MYT1L: variants seen among roughly 807,000 people sequenced by gnomAD.
MYT1L encodes the protein myelin transcription factor 1 like.
A neutral mutation model predicts 126.7 loss-of-function variants in MYT1L; 12 were observed. The ratio of observed to expected loss-of-function variants is 0.09; its 90% confidence interval spans 0.06 to 0.15. The LOEUF (loss-of-function observed/expected upper bound fraction) is 0.15, where lower values mean the gene tolerates loss of function less well. Ranked by LOEUF, MYT1L falls within the 10% of genes least tolerant of loss-of-function variation. The pLI is 1.00. For missense variants in MYT1L, 979 were observed against 1,585.2 expected (o/e 0.62, Z 6.49); for synonymous variants, 541 against 604.2 (o/e 0.90, Z 1.53).
rs570061145 is a variant in MYT1L, at chr2:2,127,682, G to A, written c.-304+45190C>T. Among the ~76,000 whole-genome samples, 6 of 152,288 alleles carry A rather than the reference G, an allele frequency of 3.9e-5. 1 individual carries two copies. The South Asian group carries it at 1.2e-3, about 32-fold the overall frequency. The stretch of plus-strand genomic sequence containing the variant: ...ATGTGCACGTCTGTGTCTGGACTGA[G>A]CTCCGCAGCTCTCATGCAGTGCTCC... On this transcript the variant is annotated intron_variant, in intron 3 of 24. Transcript: ENST00000647738.
intron 3 of MYT1L, among the ~76,000 whole-genome samples, chr2:2,067,980 G>T (rs981758055): frequency 1.3e-5 from 2 of 152,072 alleles, no homozygotes; most frequent in African/African-American, 4.8e-5. Context: ...GTCCCCTGCC[G>T]TTTAATTACA....
At chr2:1,965,652 C>G (rs2059294130) in intron 8 of MYT1L, among the ~76,000 whole-genome samples, 1 of 152,220 alleles carries the variant, frequency 6.6e-6, no homozygotes, top group Non-Finnish European at 1.5e-5. Flanking sequence ...GTAGGCCATC[C>G]CTCTGCCTTT....
Position 1,839,374 on chromosome 2 carries a change from T to C in MYT1L, c.2859-4A>G. On this transcript the variant is annotated splice_region_variant and splice_polypyrimidine_tract_variant and intron_variant, in intron 20 of 24. Transcript: ENST00000647738. ...GTCGCACCCGGGGACCGGACACCTG[T>C]AGGCAGGCAGAGGTGACACACTTTA... 6.2e-7 allele frequency: 1 copy of C among 1,610,632 alleles called. No homozygotes were observed. The highest frequency in any genetic ancestry group is 8.5e-7 in the Non-Finnish European group (1 of 1,177,966).
chr2:1,854,701 T>A (rs2043684912), intron 18 of MYT1L, among the ~76,000 whole-genome samples: 1 of 152,166 alleles, frequency 6.6e-6, no homozygotes, highest in Non-Finnish European at 1.5e-5. Context: ...TTCCAGGATT[T>A]CGAGTTGGGC....
intron 8 of MYT1L, among the ~76,000 whole-genome samples, chr2:1,956,547 ATCATCTATCCTATTCTATATTTCCTAT>A (rs1472819382): frequency 2.6e-4 from 37 of 142,652 alleles, no homozygotes; most frequent in African/African-American, 8.4e-4. Flanking sequence ...CTATCTATCT[ATCATCTATCCTATTCTATATTTCCTAT>A]TCTATCTATC....
intron 3 of MYT1L, among the ~76,000 whole-genome samples, chr2:2,130,973 T>C (rs142586398): frequency 1.6e-3 from 242 of 152,296 alleles, no homozygotes; most frequent in African/African-American, 5.4e-3. Context: ...TTAACAATTC[T>C]AAAAAGGAGC....
chr2:2,170,441 C>G (rs2148521011), intron 3 of MYT1L, among the ~76,000 whole-genome samples: 1 of 152,306 alleles, frequency 6.6e-6, no homozygotes, highest in Non-Finnish European at 1.5e-5. Flanking sequence ...TCATTTCAGA[C>G]AGCGGTGGCA....
chr2:1,905,643 C>T (rs2050954108), intron 13 of MYT1L, among the ~76,000 whole-genome samples: 1 of 152,164 alleles, frequency 6.6e-6, no homozygotes. Flanking sequence ...CGCCAGCAAC[C>T]ACACCTGGAG....
intron 22 of MYT1L, among the ~76,000 whole-genome samples, chr2:1,807,712 C>T (rs2035934770): frequency 6.6e-6 from 1 of 151,776 alleles, no homozygotes; most frequent in African/African-American, 2.4e-5. Flanking sequence ...GAGCCATGTG[C>T]TATAAAGTTA....
intron 18 of MYT1L, among the ~76,000 whole-genome samples, chr2:1,858,017 CATACCCAGCTAATCT>C (rs2044130000): frequency 6.6e-6 from 1 of 152,166 alleles, no homozygotes; most frequent in Non-Finnish European, 1.5e-5. Flanking sequence ...CATGCACCAC[CATACCCAGCTAATCT>C]TTTGTATTTT....
At chr2:2,240,870 A>G (rs747124616) in intron 2 of MYT1L, among the ~76,000 whole-genome samples, 2 of 152,194 alleles carry the variant, frequency 1.3e-5, no homozygotes, top group African/African-American at 2.4e-5. Flanking sequence ...AATTTTAACA[A>G]CTTAGATATA....
At chr2:1,822,681 G>A (rs1174466830) in intron 21 of MYT1L, among the ~76,000 whole-genome samples, 2 of 152,188 alleles carry the variant, frequency 1.3e-5, no homozygotes, top group Non-Finnish European at 2.9e-5. Flanking sequence ...TGGTCTCCGA[G>A]TGTCAGGGGC....
chr2:1,976,495 A>T (rs2060197382), intron 8 of MYT1L, among the ~76,000 whole-genome samples: 1 of 152,172 alleles, frequency 6.6e-6, no homozygotes, highest in South Asian at 2.1e-4. Flanking sequence ...TGCAAAAATT[A>T]GCTGGGTGTG....
rs1028628407 is a variant in MYT1L, at chr2:1,929,680, G to C, written c.506-6417C>G. ...AGCTCCCACTAGTCTTATTCATCTT[G>C]AGTATAGATTAGCACAGACATTTTC... On this transcript the variant is annotated intron_variant, in intron 9 of 24. Transcript: ENST00000647738. This position sits in a 1 kb window ranked among gnomAD's most constrained non-coding sequence, Gnocchi z 4.7. Among the ~76,000 whole-genome samples, 5 of 152,218 alleles carry C rather than the reference G, an allele frequency of 3.3e-5. No individual in the cohort carries two copies. Among genetic ancestry groups the C allele is most frequent in the Non-Finnish European group, 4.4e-5 (3 of 68,032 alleles).
intron 8 of MYT1L, among the ~76,000 whole-genome samples, chr2:1,964,066 ACTCTT>A (rs1262366801): frequency 6.6e-6 from 1 of 152,000 alleles, no homozygotes; most frequent in South Asian, 2.1e-4. Context: ...GAGATGTGTG[ACTCTT>A]CTCTTCACTT....
intron 2 of MYT1L, among the ~76,000 whole-genome samples, chr2:2,176,003 T>C (rs2090719130): frequency 6.6e-6 from 1 of 152,252 alleles, no homozygotes; most frequent in Admixed American, 6.5e-5. Context: ...AATAAGGAGC[T>C]TGTTTCCTTT....
intron 2 of MYT1L, among the ~76,000 whole-genome samples, chr2:2,249,028 A>G (rs1365649850): frequency 6.6e-6 from 1 of 152,160 alleles, no homozygotes; most frequent in African/African-American, 2.4e-5. Context: ...GCAACCAGAC[A>G]AAGGGAAGAA....
intron 2 of MYT1L, among the ~76,000 whole-genome samples, chr2:2,216,658 A>G (rs568018204): frequency 2.0e-5 from 3 of 152,268 alleles, no homozygotes; most frequent in Admixed American, 2.0e-4. Flanking sequence ...AATAAATTAT[A>G]AAGATCAGCA....
chr2:1,928,321 C>T (rs2054498991), intron 9 of MYT1L, among the ~76,000 whole-genome samples: 1 of 152,236 alleles, frequency 6.6e-6, no homozygotes, highest in African/African-American at 2.4e-5. Context: ...TCACCTGAGT[C>T]TGGTCCCCTG....
Sources: gnomAD v4.1 joint callset for allele counts (sites outside exome capture counted in the v4.1 genomes callset) on GRCh38, gnomAD v4.1.1 for gene constraint, Gnocchi (gnomAD v3.1) non-coding constraint, MANE v1.5 for transcripts, NCBI Gene and HGNC (gene_info 2026-07-23, HGNC 2026-07-21) for gene names.